TM9SF4: variants seen among roughly 807,000 people sequenced by gnomAD.
TM9SF4 encodes dinucleotide oxidase disulfide thiol exchanger 3 superfamily member 4.
TM9SF4 carries 26 observed loss-of-function variants against 90.4 expected under a neutral mutation model. The observed-to-expected ratio is 0.29, with a 90% CI of 0.21 to 0.40. TM9SF4 has a LOEUF of 0.40. Among genes scored for constraint, TM9SF4 ranks in the 10% least tolerant of loss-of-function variants. TM9SF4 has a pLI of 1.00. For synonymous variants in TM9SF4, 293 were observed against 315.4 expected (o/e 0.93, Z 0.75); for missense variants, 549 against 834.8 (o/e 0.66, Z 4.22).
At chr20:32,157,686 C>T (rs1041494249) in intron 13 of TM9SF4, 108 bp from the exon 14 acceptor site, 44 of 1,412,718 alleles carry the variant, frequency 3.1e-5, no homozygotes, top group Non-Finnish European at 4.2e-5. Context: ...GCTTCTGCTG[C>T]ACAAGTCGCC....
At chr20:32,162,849 C>CA (rs2047037103) in intron 17 of TM9SF4, among the ~76,000 whole-genome samples, 1 of 151,716 alleles carries the variant, frequency 6.6e-6, no homozygotes, top group Non-Finnish European at 1.5e-5. Flanking sequence ...AAAACTCTAT[C>CA]AAAGTAGCTT....
chr20:32,151,344 G>A (rs1034894633), intron 12 of TM9SF4, among the ~76,000 whole-genome samples: 1 of 152,104 alleles, frequency 6.6e-6, no homozygotes, highest in African/African-American at 2.4e-5. Flanking sequence ...CCTCCTGGAG[G>A]TAAGGAGAGT....
intron 1 of TM9SF4, among the ~76,000 whole-genome samples, chr20:32,115,917 G>A (rs776064780): frequency 3.4e-5 from 5 of 148,914 alleles, no homozygotes; most frequent in Non-Finnish European, 7.4e-5. Context: ...TGTCTCCTGG[G>A]TTCGAGCGAT....
chr20:32,121,639 T>C (rs1047550430), intron 1 of TM9SF4, among the ~76,000 whole-genome samples: 2 of 152,120 alleles, frequency 1.3e-5, no homozygotes, highest in African/African-American at 4.8e-5. Flanking sequence ...GATTTCTCGA[T>C]CCCTTCCCCA....
intron 9 of TM9SF4, 86 bp downstream of exon 9, chr20:32,146,941 T>G: frequency 7.6e-7 from 1 of 1,309,106 alleles, no homozygotes; most frequent in Non-Finnish European, 1.1e-6. Flanking sequence ...TATATTATCA[T>G]TCAAAGAGGA....
intron 1 of TM9SF4, among the ~76,000 whole-genome samples, chr20:32,110,190 C>T (rs1433392319): frequency 2.0e-5 from 3 of 152,120 alleles, no homozygotes; most frequent in Non-Finnish European, 2.9e-5. Context: ...GTGACCTCTC[C>T]TCTGACCACC....
chr20:32,134,853 A>C (rs1297771211), intron 2 of TM9SF4, among the ~76,000 whole-genome samples: 2 of 151,978 alleles, frequency 1.3e-5, no homozygotes, highest in Non-Finnish European at 2.9e-5. Context: ...TTGCATTTTT[A>C]GTAGAGACGG....
At chr20:32,163,260 AAAAAAAAAATATATATAT>A (rs756037586) in intron 17 of TM9SF4, among the ~76,000 whole-genome samples, 19,227 of 104,502 alleles carry the variant, frequency 0.18, 1,681 homozygotes, top group East Asian at 0.32. Context: ...AAAAAAAAAA[AAAAAAAAAATATATATAT>A]ATATATATAT....
At chr20:32,137,380 A>G (rs1377702914) in intron 3 of TM9SF4, among the ~76,000 whole-genome samples, 2 of 152,228 alleles carry the variant, frequency 1.3e-5, no homozygotes, top group African/African-American at 2.4e-5. Flanking sequence ...CCAAGGCTCT[A>G]TAGTTAGGCA....
intron 8 of TM9SF4, among the ~76,000 whole-genome samples, chr20:32,146,116 G>A (rs563803943): frequency 6.6e-6 from 1 of 152,266 alleles, no homozygotes; most frequent in Admixed American, 6.5e-5. Context: ...TTACCAAAGG[G>A]CCAGCTGCTG....
intron 2 of TM9SF4, among the ~76,000 whole-genome samples, chr20:32,134,302 C>T (rs889441691): frequency 5.9e-5 from 9 of 152,134 alleles, no homozygotes; most frequent in African/African-American, 1.2e-4. Flanking sequence ...AAAGGTGGGA[C>T]GCATCTCTCT....
chr20:32,160,606 TGGA>T (rs1047727415), intron 16 of TM9SF4, among the ~76,000 whole-genome samples: 1 of 152,032 alleles, frequency 6.6e-6, no homozygotes, highest in African/African-American at 2.4e-5. Context: ...GGACCTAACT[TGGA>T]GGGCTGCTCT....
chr20:32,146,695 G>A (rs2046767510), intron 8 of TM9SF4, 90 bp from the exon 9 acceptor site: 6 of 1,317,506 alleles, frequency 4.6e-6, no homozygotes, highest in Admixed American at 3.7e-5. Context: ...GCCAGCTGTC[G>A]CACAGTAAAA....
chr20:32,148,499 C>T (rs1033277087), intron 9 of TM9SF4, among the ~76,000 whole-genome samples: 1 of 152,048 alleles, frequency 6.6e-6, no homozygotes, highest in African/African-American at 2.4e-5. Context: ...AGGAGGATCA[C>T]TTGAGCCCAG....
rs2047085543 is a variant in TM9SF4, at chr20:32,165,404, T to C, written c.1889T>C (p.Met630Thr). ...ACCATCGGCTTCTATGCAGCCTACATGTTTGTTCGCAAGATCTATGCTGCT... is the reference window on the plus strand; with the variant it reads ...ACCATCGGCTTCTATGCAGCCTACACGTTTGTTCGCAAGATCTATGCTGCT... The part of the protein sequence containing the change: ...TGTIGFYAAY[M>T]FVRKIYAAVK... Residue 630 changes from methionine to threonine, a missense_variant, in exon 18 of 18, where the codon ATG (methionine) becomes ACG (threonine). By Grantham distance (81) the Met-to-Thr change is moderately conservative. Around this residue, in one of 2 missense-constraint regions of TM9SF4, gnomAD observed 54 missense variants for 123.1 expected, o/e 0.44. Transcript: ENST00000398022. 6.2e-7 allele frequency: 1 copy of C among 1,614,028 alleles called. No individual in the cohort carries two copies. Among genetic ancestry groups the C allele is most frequent in the Non-Finnish European group, 8.5e-7 (1 of 1,180,024 alleles).
At chr20:32,116,862 C>T (rs184558207) in intron 1 of TM9SF4, among the ~76,000 whole-genome samples, 2,119 of 94,450 alleles carry the variant, frequency 0.022, 1 homozygote, top group Middle Eastern at 0.066. Context: ...TTTCCTTTTT[C>T]TTTTTTTTTT....
chr20:32,164,443 G>A, intron 17 of TM9SF4, among the ~76,000 whole-genome samples: 1 of 152,124 alleles, frequency 6.6e-6, no homozygotes. Flanking sequence ...GCCCAGGAGG[G>A]TGAGGCTGTA....
At chr20:32,151,022 A>C in intron 12 of TM9SF4, 147 bp downstream of exon 12, 1 of 955,148 alleles carries the variant, frequency 1.0e-6, no homozygotes. Flanking sequence ...CACAGGTCCA[A>C]GGGCAGGAAT....
intron 8 of TM9SF4, among the ~76,000 whole-genome samples, chr20:32,146,162 C>T (rs2046759334): frequency 6.6e-6 from 1 of 152,164 alleles, no homozygotes; most frequent in African/African-American, 2.4e-5. Flanking sequence ...ATCCCTGAAG[C>T]CCTGTGAACT....
Sources: gnomAD v4.1 joint callset for allele counts (sites outside exome capture counted in the v4.1 genomes callset) on GRCh38, gnomAD v4.1.1 for gene constraint, gnomAD v4.1.1 regional missense constraint, MANE v1.5 for transcripts, NCBI Gene and HGNC (gene_info 2026-07-23, HGNC 2026-07-21) for gene names.